The following GPHN variants were observed in gnomAD, a reference collection of about 807,000 sequenced individuals.
The protein encoded by GPHN is gephyrin.
In GPHN, 17 loss-of-function variants were observed where a neutral mutation model predicts 95.5. That is an observed-to-expected ratio of 0.18 (90% CI 0.12 to 0.27). The LOEUF is 0.27. Among genes scored for constraint, GPHN ranks in the 10% least tolerant of loss-of-function variants. The pLI is 1.00. For synonymous variants in GPHN, 320 were observed against 322.5 expected, an observed-to-expected ratio of 0.99 and a Z score of 0.08; for missense variants, 660 against 978.1, an observed-to-expected ratio of 0.67 and a Z score of 4.34.
At chr14:67,257,724 T>C in the GPHN span, among the ~76,000 whole-genome samples, 1 of 152,196 alleles carries the variant, frequency 6.6e-6, no homozygotes, top group African/African-American at 2.4e-5. Flanking sequence ...TGAAGGTAAG[T>C]TTAAGAAGAA....
the GPHN span, among the ~76,000 whole-genome samples, chr14:67,399,279 T>C: frequency 7.3e-6 from 1 of 137,152 alleles, no homozygotes; most frequent in African/African-American, 2.9e-5. Flanking sequence ...GTTTAGGTGG[T>C]TCTCAGGTGG....
chr14:66,620,114 G>C (rs1197678031), intron 1 of GPHN, among the ~76,000 whole-genome samples: 1 of 152,108 alleles, frequency 6.6e-6, no homozygotes, highest in East Asian at 1.9e-4. Flanking sequence ...CTGCCTAAAT[G>C]GTTCTCGGTT....
chr14:66,637,850 C>A (rs1488353498), intron 1 of GPHN, among the ~76,000 whole-genome samples: 5 of 152,096 alleles, frequency 3.3e-5, no homozygotes, highest in African/African-American at 1.2e-4. Flanking sequence ...TGGCCTTTAA[C>A]CCTCAGTACA....
intron 1 of GPHN, among the ~76,000 whole-genome samples, chr14:66,579,749 A>G (rs888985523): frequency 6.6e-6 from 1 of 151,898 alleles, no homozygotes; most frequent in African/African-American, 2.4e-5. Context: ...CTGCAAGACA[A>G]TAATAGTATA....
the GPHN span, chr14:67,695,496 C>T: frequency 1.2e-6 from 1 of 820,692 alleles, no homozygotes; most frequent in Non-Finnish European, 1.9e-6. Context: ...CGCCTCCAAC[C>T]CACCGAACTC....
chr14:66,614,154 G>A (rs549920986), intron 1 of GPHN, among the ~76,000 whole-genome samples: 3 of 152,068 alleles, frequency 2.0e-5, no homozygotes, highest in Non-Finnish European at 2.9e-5. Flanking sequence ...AAATTTTGAG[G>A]CCGTAGATAA....
At chr14:67,050,396 C>A (rs1017517758) in intron 10 of GPHN, among the ~76,000 whole-genome samples, 1 of 152,072 alleles carries the variant, frequency 6.6e-6, no homozygotes, top group African/African-American at 2.4e-5. Flanking sequence ...TTAAATACCC[C>A]AAGTATTTAC....
the GPHN span, chr14:67,221,791 T>C: frequency 6.2e-7 from 1 of 1,613,442 alleles, no homozygotes. Flanking sequence ...GCTTGAGAAC[T>C]GAATCAAACA....
the GPHN span, among the ~76,000 whole-genome samples, chr14:67,479,359 C>T: frequency 6.9e-6 from 1 of 145,818 alleles, no homozygotes; most frequent in African/African-American, 2.6e-5. Context: ...TAGCAGTGAG[C>T]GAGATCGTAC....
At chr14:66,850,707 C>T (rs1326935950) in intron 4 of GPHN, among the ~76,000 whole-genome samples, 2 of 152,214 alleles carry the variant, frequency 1.3e-5, no homozygotes, top group African/African-American at 4.8e-5. Context: ...AAAGAATTAT[C>T]TGACCCAAAA....
At chr14:67,279,408 G>C in the GPHN span, 1 of 1,613,960 alleles carries the variant, frequency 6.2e-7, no homozygotes, top group East Asian at 2.2e-5. Context: ...GCAAGAACTT[G>C]ACCTTAATTC....
intron 12 of GPHN, 105 bp from the exon 13 acceptor site, chr14:67,100,751 C>T: frequency 1.3e-6 from 1 of 773,932 alleles, no homozygotes; most frequent in Non-Finnish European, 2.3e-6. Context: ...TTCTCTAAGC[C>T]TTATCAAATA....
chr14:67,692,465 G>T, the GPHN span: 1 of 1,614,064 alleles, frequency 6.2e-7, no homozygotes, highest in African/African-American at 1.3e-5. Context: ...GCAAAAGCTC[G>T]AATAGACTTA....
chr14:67,624,447 T>C, the GPHN span, among the ~76,000 whole-genome samples: 1 of 152,208 alleles, frequency 6.6e-6, no homozygotes, highest in Non-Finnish European at 1.5e-5. Context: ...CTGCAGGACA[T>C]ACAGGCTTCT....
chr14:66,583,173 T>TA (rs1405432995), intron 1 of GPHN, among the ~76,000 whole-genome samples: 2 of 152,170 alleles, frequency 1.3e-5, no homozygotes, highest in African/African-American at 4.8e-5. Context: ...TTTGGCTGCA[T>TA]AAATGTCTTC....
intron 17 of GPHN, among the ~76,000 whole-genome samples, chr14:67,129,812 G>GAGGGAGGAAGGA: frequency 6.7e-6 from 1 of 148,644 alleles, no homozygotes; most frequent in South Asian, 2.2e-4. Context: ...GGGAGGGAGG[G>GAGGGAGGAAGGA]AGGAAGGAAG....
At chr14:67,714,158 CAG>C in the GPHN span, among the ~76,000 whole-genome samples, 1 of 152,112 alleles carries the variant, frequency 6.6e-6, no homozygotes, top group South Asian at 2.1e-4. Flanking sequence ...ACTTTTGAGA[CAG>C]GGTCTTGCTC....
Position 67,111,841 on chromosome 14 carries a change from A to G in GPHN, c.1414-20A>G. 6.2e-7 allele frequency: 1 copy of G among 1,601,500 alleles called. No individual in the cohort carries two copies. The highest frequency in any genetic ancestry group is 8.6e-7 in the Non-Finnish European group (1 of 1,168,604). On this transcript the variant is annotated intron_variant, in intron 14 of 22. Coordinates refer to ENST00000478722, the MANE Select transcript of GPHN (RefSeq NM_020806.5). ...GCTCAGAAATTCTGTTTGAAATTAC[A>G]TGACCGGCTGTTATTATAGGGCACT...
the GPHN span, chr14:67,345,655 T>C: frequency 3.1e-6 from 2 of 647,302 alleles, no homozygotes; most frequent in Non-Finnish European, 5.5e-6. Context: ...CATAGGATCA[T>C]GGGAACAGTT....
Sources: allele counts gnomAD v4.1 joint callset (sites outside exome capture counted in the v4.1 genomes callset), GRCh38; gene constraint gnomAD v4.1.1; transcripts MANE v1.5; gene names NCBI Gene and HGNC (gene_info 2026-07-23, HGNC 2026-07-21).